Variants in PLCB1 observed in about 807,000 individuals in gnomAD.
The protein encoded by PLCB1 is phospholipase C beta 1, also known as 1-phosphatidylinositol 4,5-bisphosphate phosphodiesterase beta-1.
A neutral mutation model predicts 161.8 loss-of-function variants in PLCB1; 46 were observed. That is an observed-to-expected ratio of 0.28 (90% CI 0.22 to 0.36). PLCB1 has a LOEUF of 0.36. Ranked by LOEUF, PLCB1 falls within the 10% of genes least tolerant of loss-of-function variation. The pLI is 1.00. For synonymous variants in PLCB1, 517 were observed against 503.7 expected, an observed-to-expected ratio of 1.03 and a Z score of -0.35; for missense variants, 1,016 against 1,472.5, an observed-to-expected ratio of 0.69 and a Z score of 5.07.
chr20:8,788,403 T>A (rs770292409), intron 27 of PLCB1, 46 bp from the exon 28 acceptor site: 2 of 1,558,464 alleles, frequency 1.3e-6, no homozygotes, highest in African/African-American at 1.4e-5. Context: ...AAGGAAGCTC[T>A]GTTTGCAATC....
intron 3 of PLCB1, among the ~76,000 whole-genome samples, chr20:8,570,781 G>A (rs1414477239): frequency 2.0e-5 from 3 of 152,204 alleles, no homozygotes; most frequent in African/African-American, 7.2e-5. Context: ...ACTAAAGCAA[G>A]GTGCCAGTTG....
intron 31 of PLCB1, among the ~76,000 whole-genome samples, chr20:8,816,906 C>T (rs1428739418): frequency 6.6e-6 from 1 of 152,286 alleles, no homozygotes; most frequent in East Asian, 1.9e-4. Context: ...AACTGTTCAT[C>T]TGGAACCACT....
chr20:8,473,974 T>A (rs114972573), intron 3 of PLCB1, among the ~76,000 whole-genome samples: 85 of 152,340 alleles, frequency 5.6e-4, no homozygotes, highest in African/African-American at 2.0e-3. Context: ...TAAGAAATCT[T>A]ATTGAATTAA....
At chr20:8,460,761 A>G (rs933053192) in intron 3 of PLCB1, among the ~76,000 whole-genome samples, 2 of 152,170 alleles carry the variant, frequency 1.3e-5, no homozygotes, top group South Asian at 2.1e-4. Context: ...GCTTTTTTCT[A>G]AAGCCCCCCA....
chr20:8,770,239 A>G (rs1349758191), intron 26 of PLCB1, among the ~76,000 whole-genome samples: 3 of 152,244 alleles, frequency 2.0e-5, no homozygotes, highest in Non-Finnish European at 4.4e-5. Flanking sequence ...GGCGTGAGCC[A>G]CCACGCCCAG....
intron 3 of PLCB1, among the ~76,000 whole-genome samples, chr20:8,622,841 T>C (rs1166951157): frequency 1.3e-5 from 2 of 152,204 alleles, no homozygotes; most frequent in Non-Finnish European, 2.9e-5. Context: ...TGGGAAACTA[T>C]TAGATTGGTG....
chr20:8,679,293 C>T (rs546094160), intron 9 of PLCB1, among the ~76,000 whole-genome samples: 5 of 152,272 alleles, frequency 3.3e-5, no homozygotes, highest in African/African-American at 7.2e-5. Flanking sequence ...TAAAGGGATC[C>T]GAACCTGAGA....
intron 23 of PLCB1, among the ~76,000 whole-genome samples, chr20:8,743,169 A>C (rs1390633302): frequency 6.6e-6 from 1 of 152,154 alleles, no homozygotes; most frequent in Non-Finnish European, 1.5e-5. Flanking sequence ...ATTCAGTTTG[A>C]TACTAGCTGT....
chr20:8,786,385 C>A (rs910860923), intron 27 of PLCB1, among the ~76,000 whole-genome samples: 1 of 152,192 alleles, frequency 6.6e-6, no homozygotes, highest in Non-Finnish European at 1.5e-5. Flanking sequence ...TTTGAATGAT[C>A]AAATAGGCTT....
chr20:8,643,562 G>T (rs1308370811), intron 4 of PLCB1, among the ~76,000 whole-genome samples: 1 of 151,632 alleles, frequency 6.6e-6, no homozygotes, highest in Non-Finnish European at 1.5e-5. Flanking sequence ...AAGTCAGGAA[G>T]CAAAAAAAAG....
chr20:8,424,385 GTAT>G (rs1268247259), intron 3 of PLCB1, among the ~76,000 whole-genome samples: 1 of 152,200 alleles, frequency 6.6e-6, no homozygotes, highest in Non-Finnish European at 1.5e-5. Flanking sequence ...CTATAAGCAT[GTAT>G]TATTTTGTTG....
intron 3 of PLCB1, among the ~76,000 whole-genome samples, chr20:8,438,388 C>A (rs1010079978): frequency 6.6e-6 from 1 of 152,050 alleles, no homozygotes; most frequent in Non-Finnish European, 1.5e-5. Flanking sequence ...TAGCGCAAAA[C>A]CCAGAAGCAA....
intron 3 of PLCB1, among the ~76,000 whole-genome samples, chr20:8,411,437 A>G (rs1979038461): frequency 6.6e-6 from 1 of 152,200 alleles, no homozygotes; most frequent in Non-Finnish European, 1.5e-5. Flanking sequence ...AGATAGTGCT[A>G]CCTAAACAAG....
intron 2 of PLCB1, among the ~76,000 whole-genome samples, chr20:8,222,409 T>C (rs987483320): frequency 8.5e-5 from 13 of 152,194 alleles, no homozygotes; most frequent in African/African-American, 2.9e-4. Context: ...TTTATGATAT[T>C]TGTCAACTTA....
intron 18 of PLCB1, chr20:8,729,615 A>G (rs557375888): frequency 6.5e-6 from 1 of 152,910 alleles, no homozygotes; most frequent in South Asian, 2.0e-4. Flanking sequence ...ATAAATACAT[A>G]TATATTCATA....
chr20:8,535,115 A>G (rs1321700384), intron 3 of PLCB1, among the ~76,000 whole-genome samples: 2 of 149,210 alleles, frequency 1.3e-5, no homozygotes, highest in East Asian at 2.0e-4. Context: ...TAAAAAAAAA[A>G]AAAAAAAAAA....
In PLCB1 at chr20:8,576,054, T is replaced by C. The variant is rs113725178; in HGVS notation, c.247-52240T>C. Reference sequence around the variant, plus strand: ...AATCATACATACTCACATGTTCAAATAAACTGCAATAAGCTTCTATAAAAT... The same window carrying C: ...AATCATACATACTCACATGTTCAAACAAACTGCAATAAGCTTCTATAAAAT... On this transcript the variant is annotated intron_variant, in intron 3 of 31. Transcript: ENST00000338037. Among the ~76,000 whole-genome samples, 1,038 of 152,342 alleles carry C rather than the reference T, an allele frequency of 6.8e-3. 10 individuals are homozygous for C. The highest frequency in any genetic ancestry group is 0.021 in the African/African-American group (879 of 41,582).
intron 2 of PLCB1, among the ~76,000 whole-genome samples, chr20:8,276,919 T>G (rs1342332273): frequency 6.6e-6 from 1 of 151,184 alleles, no homozygotes; most frequent in Admixed American, 6.6e-5. Flanking sequence ...CTTCTTCGTC[T>G]TCTTCTTTTC....
At chr20:8,681,076 A>ATGTGTGTG (rs71331325) in intron 9 of PLCB1, among the ~76,000 whole-genome samples, 4,220 of 79,708 alleles carry the variant, frequency 0.053, 110 homozygotes, top group Admixed American at 0.099. Flanking sequence ...ATGTGTGTAT[A>ATGTGTGTG]TGTGTGTGTG....
Sources: gnomAD v4.1 joint callset for allele counts (sites outside exome capture counted in the v4.1 genomes callset) on GRCh38, gnomAD v4.1.1 for gene constraint, MANE v1.5 for transcripts, NCBI Gene and HGNC (gene_info 2026-07-23, HGNC 2026-07-21) for gene names.